Variants in ARMH4 observed in about 807,000 individuals in gnomAD.
ARMH4 encodes the protein armadillo like helical domain containing 4.
In ARMH4, 49 loss-of-function variants were observed where a neutral mutation model predicts 61.9. The ratio of observed to expected loss-of-function variants is 0.79; its 90% CI spans 0.63 to 1.00. The LOEUF (loss-of-function observed/expected upper bound fraction) is 1.00, where lower values mean the gene tolerates loss of function less well. ARMH4 is among the 50% of genes least tolerant of loss of function. The probability of loss-of-function intolerance (pLI) is 0.00; values close to 1 mark genes in which losing one functional copy is unlikely to be tolerated. For synonymous variants in ARMH4, 368 were observed against 341.5 expected (o/e 1.08, Z -0.85); for missense variants, 934 against 930.0 (o/e 1.00, Z -0.06).
chr14:58,058,400 C>T (rs1884417632), intron 5 of ARMH4, among the ~76,000 whole-genome samples: 1 of 152,066 alleles, frequency 6.6e-6, no homozygotes, highest in South Asian at 2.1e-4. Flanking sequence ...ACTCCATAGG[C>T]AGAGCAGGCC....
rs564963925 is a variant in ARMH4 at position 58,074,495 on chromosome 14, C to T, written c.2089+22229G>A. Among the ~76,000 whole-genome samples the T allele has an allele frequency of 9.3e-5, 14 of 149,772 alleles. No individual in the cohort carries two copies. In the East Asian group the frequency reaches 2.4e-3, roughly 25 times the overall value. ...AGTTTAATTTGCAGTATTAACATTA[C>T]TCCATCACTTTAAGTCTAGACAATC... On this transcript the variant is annotated intron_variant, in intron 5 of 7. Coordinates refer to ENST00000267485, the MANE Select transcript of ARMH4 (RefSeq NM_001001872.4).
rs545826749 is a variant in ARMH4, at chr14:58,097,506, C to T, written c.1832-525G>A. Among the ~76,000 whole-genome samples the T allele has an allele frequency of 2.0e-5, 3 of 152,242 alleles. No homozygotes were observed. In the South Asian group the frequency reaches 6.2e-4, roughly 32 times the overall value. ...CATAAATTCACTCTTGGATCTTGTT[C>T]TCTCTAAGGAAGAGTAATCCAAGAA... On this transcript the variant is annotated intron_variant, in intron 4 of 7. Coordinates refer to ENST00000267485, the MANE Select transcript of ARMH4 (RefSeq NM_001001872.4).
chr14:58,057,942 G>A (rs545840139), intron 5 of ARMH4, among the ~76,000 whole-genome samples: 3 of 152,306 alleles, frequency 2.0e-5, no homozygotes, highest in East Asian at 3.9e-4. Context: ...AGTACAGTAT[G>A]AGAGTTCAAA....
chr14:58,005,217 A>C, intron 6 of ARMH4, 35 bp from the exon 7 acceptor site: 1 of 1,613,358 alleles, frequency 6.2e-7, no homozygotes, highest in Non-Finnish European at 8.5e-7. Context: ...TAGGATGCTA[A>C]ACAGAGCGCG....
chr14:58,129,281 C>G (rs1333080147), intron 4 of ARMH4, among the ~76,000 whole-genome samples: 1 of 152,174 alleles, frequency 6.6e-6, no homozygotes, highest in Non-Finnish European at 1.5e-5. Context: ...ATAAACAGAG[C>G]TGCGGATTCA....
At chr14:58,109,117 ACTTT>A (rs892628964) in intron 4 of ARMH4, among the ~76,000 whole-genome samples, 5 of 152,092 alleles carry the variant, frequency 3.3e-5, no homozygotes, top group Admixed American at 6.5e-5. Flanking sequence ...CTGTATTTTC[ACTTT>A]CTTTCTAGCA....
At chr14:58,041,535 A>G (rs1883703964) in intron 5 of ARMH4, among the ~76,000 whole-genome samples, 1 of 152,230 alleles carries the variant, frequency 6.6e-6, no homozygotes, top group African/African-American at 2.4e-5. Flanking sequence ...AACTGCATCA[A>G]CTAACAAGCA....
At chr14:58,022,277 C>T (rs1882864054) in intron 5 of ARMH4, among the ~76,000 whole-genome samples, 1 of 152,170 alleles carries the variant, frequency 6.6e-6, no homozygotes, top group Non-Finnish European at 1.5e-5. Flanking sequence ...CTCCCACTGT[C>T]ATATTTTCTT....
At chr14:58,084,450 T>C (rs1885321614) in intron 5 of ARMH4, among the ~76,000 whole-genome samples, 1 of 152,148 alleles carries the variant, frequency 6.6e-6, no homozygotes, top group African/African-American at 2.4e-5. Context: ...GTGCAATACT[T>C]TATCAGGTTT....
chr14:58,011,206 G>GAAGC (rs1331358849), intron 6 of ARMH4, among the ~76,000 whole-genome samples: 2 of 152,110 alleles, frequency 1.3e-5, no homozygotes, highest in Non-Finnish European at 2.9e-5. Context: ...ATTTTACTGA[G>GAAGC]AAGCAGAAAT....
At chr14:58,069,459 T>C (rs988326800) in intron 5 of ARMH4, among the ~76,000 whole-genome samples, 1 of 152,072 alleles carries the variant, frequency 6.6e-6, no homozygotes, top group Non-Finnish European at 1.5e-5. Context: ...AAGGAAGTAA[T>C]AGATTAATGA....
Position 58,138,521 on chromosome 14 carries a change from T to C in ARMH4, c.838A>G (p.Thr280Ala), listed in dbSNP as rs1032464573. 3.1e-6 allele frequency: 5 copies of C among 1,614,072 alleles called. No homozygotes were observed. The highest frequency in any genetic ancestry group is 3.4e-6 in the Non-Finnish European group (4 of 1,180,038). ...TCAGTTTCTGGCTCAACACTCAGGG[T>C]GTACTCGGAAGTTTCGAGTGGTTGC... is the stretch of plus-strand genomic sequence containing the variant. ...TKQPLETSEY[T>A]LSVEPETDSL... The change falls in exon 2 of 8, where the codon ACC becomes GCC. Residue 280 changes from threonine (T) to alanine (A), a missense_variant. Coordinates refer to ENST00000267485, the MANE Select transcript of ARMH4 (RefSeq NM_001001872.4).
chr14:58,086,923 G>T (rs1290245934), intron 5 of ARMH4, among the ~76,000 whole-genome samples: 3 of 152,144 alleles, frequency 2.0e-5, no homozygotes, highest in Non-Finnish European at 4.4e-5. Flanking sequence ...GAAAAAGTCG[G>T]TAGGGAATGT....
Position 58,132,956 on chromosome 14 carries a change from G to GGT in ARMH4, c.1621+132_1621+133dup, listed in dbSNP as rs149751032. On this transcript the variant is annotated intron_variant, in intron 3 of 7. Coordinates refer to ENST00000267485, the MANE Select transcript of ARMH4 (RefSeq NM_001001872.4). ...GAGCTCACACCCCTTTCCAGGTAAA[G>GGT]GTGTGTGTGTGTGTGTACGTGCACG... 4.4e-3 allele frequency: 3,687 copies of GGT among 835,080 alleles called. 10 individuals are homozygous for GGT. The highest frequency in any genetic ancestry group is 0.019 in the East Asian group (734 of 38,038). 51.7% of individuals were successfully genotyped at this position (835,080 alleles called of 1,614,324 possible). A position where few individuals can be genotyped will look rare whatever the true frequency, so the allele number is the denominator to read the frequency against.
At chr14:58,021,914 C>G (rs919887699) in intron 5 of ARMH4, among the ~76,000 whole-genome samples, 1 of 152,166 alleles carries the variant, frequency 6.6e-6, no homozygotes, top group Non-Finnish European at 1.5e-5. Flanking sequence ...TAGGAGCCAT[C>G]TGCAACCAAG....
intron 5 of ARMH4, among the ~76,000 whole-genome samples, chr14:58,043,222 T>C (rs1033868356): frequency 3.1e-4 from 47 of 152,078 alleles, no homozygotes; most frequent in African/African-American, 1.1e-3. Context: ...ACTGGTAAAC[T>C]GAATCCAGCA....
intron 5 of ARMH4, among the ~76,000 whole-genome samples, chr14:58,049,509 C>T (rs904087628): frequency 6.6e-6 from 1 of 152,084 alleles, no homozygotes; most frequent in Admixed American, 6.5e-5. Context: ...TGAACCTGAA[C>T]AGCCCATGTA....
chr14:58,117,528 T>G (rs1886570513), intron 4 of ARMH4, among the ~76,000 whole-genome samples: 2 of 152,220 alleles, frequency 1.3e-5, no homozygotes, highest in Admixed American at 6.5e-5. Context: ...TTATCATACT[T>G]ACATGCATTT....
chr14:58,078,724 T>A (rs1042544165), intron 5 of ARMH4, among the ~76,000 whole-genome samples: 1 of 152,208 alleles, frequency 6.6e-6, no homozygotes, highest in Non-Finnish European at 1.5e-5. Flanking sequence ...AAAGCAGCCA[T>A]AGAAATAAGT....
Sources: gnomAD v4.1 joint callset for allele counts (sites outside exome capture counted in the v4.1 genomes callset) on GRCh38, gnomAD v4.1.1 for gene constraint, MANE v1.5 for transcripts, NCBI Gene and HGNC (gene_info 2026-07-23, HGNC 2026-07-21) for gene names.